Variants in DIP2B observed in about 807,000 individuals in gnomAD.
DIP2B encodes the protein DIP2 acetate--CoA ligase B (putative).
DIP2B carries 76 observed loss-of-function variants against 198.0 expected under a neutral mutation model. The ratio of observed to expected loss-of-function variants is 0.38; its 90% CI spans 0.32 to 0.46. The LOEUF (loss-of-function observed/expected upper bound fraction) is 0.46, where lower values mean the gene tolerates loss of function less well. DIP2B is among the 20% of genes least tolerant of loss of function. DIP2B has a pLI of 0.99. For missense variants in DIP2B, 1,559 were observed against 1,978.4 expected, an observed-to-expected ratio of 0.79 and a Z score of 4.02; for synonymous variants, 701 against 739.1, an observed-to-expected ratio of 0.95 and a Z score of 0.84.
intron 3 of DIP2B, among the ~76,000 whole-genome samples, chr12:50,656,732 C>G (rs1010800018): frequency 6.6e-5 from 10 of 152,100 alleles, no homozygotes; most frequent in African/African-American, 2.2e-4. Context: ...CCACCATGCT[C>G]AGCTAATTTT....
intron 35 of DIP2B, among the ~76,000 whole-genome samples, chr12:50,738,791 T>A (rs1173107846): frequency 6.6e-6 from 1 of 152,202 alleles, no homozygotes; most frequent in Non-Finnish European, 1.5e-5. Context: ...ATTTTAAAAA[T>A]TTTTAAATGT....
intron 3 of DIP2B, among the ~76,000 whole-genome samples, chr12:50,651,688 C>T (rs1285444406): frequency 2.0e-5 from 3 of 152,020 alleles, no homozygotes; most frequent in East Asian, 1.9e-4. Context: ...GTCTTCCTGT[C>T]GGTCTTTATG....
intron 1 of DIP2B, among the ~76,000 whole-genome samples, chr12:50,530,360 G>A (rs914226565): frequency 6.6e-6 from 1 of 152,342 alleles, no homozygotes; most frequent in East Asian, 1.9e-4. Context: ...GATTACAGGC[G>A]TGAGCCACTG....
At chr12:50,643,026 C>CTGTGTGTGTGTGTGTGTGTGAGTG (rs10651157) in intron 3 of DIP2B, among the ~76,000 whole-genome samples, 1 of 149,710 alleles carries the variant, frequency 6.7e-6, no homozygotes, top group Non-Finnish European at 1.5e-5. Context: ...CTGGGAGTTT[C>CTGTGTGTGTGTGTGTGTGTGAGTG]TGTGTGTGTG....
chr12:50,613,395 A>C (rs781656881), intron 1 of DIP2B, among the ~76,000 whole-genome samples: 2 of 152,236 alleles, frequency 1.3e-5, no homozygotes, highest in Non-Finnish European at 2.9e-5. Flanking sequence ...CCTGTGCAGA[A>C]AGAAATTTAG....
intron 3 of DIP2B, among the ~76,000 whole-genome samples, chr12:50,646,263 A>G (rs1217659871): frequency 6.6e-6 from 1 of 150,998 alleles, no homozygotes; most frequent in East Asian, 1.9e-4. Context: ...AGCTGGGATT[A>G]CAGGCACGTG....
intron 30 of DIP2B, 50 bp from the exon 31 acceptor site, chr12:50,731,319 A>G (rs1418702760): frequency 1.3e-6 from 2 of 1,587,500 alleles, no homozygotes; most frequent in South Asian, 2.3e-5. Context: ...CTGAAGCATC[A>G]GGTATCCAGG....
In DIP2B at chr12:50,504,992, C is replaced by CTT. The variant is rs2139331139; in HGVS notation, c.-147_-146dup. On this transcript the variant is annotated 5_prime_UTR_variant, in exon 1 of 38. Transcript: ENST00000301180. ...GCGGGGGCCGTCGCGCTCACGTGAC[C>CTT]TTTGCTCATGGCGGCGGCGGCGGCG... is the stretch of plus-strand genomic sequence containing the variant. The CTT allele has an allele frequency of 1.3e-6, 1 of 745,648 alleles. No homozygotes were observed. The highest frequency in any genetic ancestry group is 2.1e-6 in the Non-Finnish European group (1 of 466,716). The allele number at this position is 745,648 out of a possible 1,614,324, so 46.2% of individuals were successfully genotyped here.
At chr12:50,691,202 A>T (rs779032986) in intron 13 of DIP2B, 51 bp downstream of exon 13, 2 of 1,501,430 alleles carry the variant, frequency 1.3e-6, no homozygotes, top group South Asian at 2.3e-5. Flanking sequence ...GAGATGTGTG[A>T]CTGTGAGCAC....
intron 3 of DIP2B, among the ~76,000 whole-genome samples, chr12:50,647,274 T>C (rs1002148543): frequency 1.3e-5 from 2 of 151,390 alleles, no homozygotes; most frequent in African/African-American, 4.9e-5. Context: ...GGAGTTTTTC[T>C]CCCCCCCGCC....
At chr12:50,612,429 A>G (rs890497827) in intron 1 of DIP2B, among the ~76,000 whole-genome samples, 1 of 140,306 alleles carries the variant, frequency 7.1e-6, no homozygotes, top group Non-Finnish European at 1.5e-5. Flanking sequence ...TTTCATAATA[A>G]CTTTTTTTTT....
At chr12:50,531,147 G>A (rs909268097) in intron 1 of DIP2B, among the ~76,000 whole-genome samples, 2 of 152,316 alleles carry the variant, frequency 1.3e-5, no homozygotes, top group African/African-American at 2.4e-5. Context: ...CTGGGTTCAC[G>A]CCATTCTCCT....
intron 10 of DIP2B, among the ~76,000 whole-genome samples, chr12:50,684,147 A>G (rs1939092835): frequency 6.6e-6 from 1 of 152,176 alleles, no homozygotes; most frequent in African/African-American, 2.4e-5. Context: ...ATGGGGGCAT[A>G]CTTGACTTTC....
In DIP2B at chr12:50,747,261, A is replaced by T. The variant is rs1239608542; in HGVS notation, c.*2422A>T. 3 of 152,194 alleles carry T rather than the reference A, an allele frequency of 2.0e-5. No homozygotes were observed. The highest frequency in any genetic ancestry group is 7.2e-5 in the African/African-American group (3 of 41,436). 9.4% of individuals were successfully genotyped at this position (152,194 alleles called of 1,614,324 possible). ...AGTGCAGATCTATACTCATTCCTTC[A>T]AATACATTACTCTGTTAATCTCAAA... On this transcript the variant is annotated 3_prime_UTR_variant, in exon 38 of 38. Coordinates refer to ENST00000301180, the MANE Select transcript of DIP2B (RefSeq NM_173602.3).
chr12:50,723,164 G>A (rs375065243), intron 26 of DIP2B, 38 bp from the exon 27 acceptor site: 62 of 1,612,764 alleles, frequency 3.8e-5, no homozygotes, highest in Non-Finnish European at 2.1e-5. Flanking sequence ...CTCTTAGGCA[G>A]TTCAGTGACT....
chr12:50,532,908 A>T (rs1234484753), intron 1 of DIP2B, among the ~76,000 whole-genome samples: 5 of 152,208 alleles, frequency 3.3e-5, no homozygotes, highest in African/African-American at 7.2e-5. Flanking sequence ...GAATTAGAGT[A>T]ACTCTTTGTT....
chr12:50,535,730 G>T (rs1232168355), intron 1 of DIP2B, among the ~76,000 whole-genome samples: 1 of 151,126 alleles, frequency 6.6e-6, no homozygotes, highest in African/African-American at 2.4e-5. Context: ...TAAGTTTTAG[G>T]GTACATGTGC....
chr12:50,568,735 T>C (rs1202643266), intron 1 of DIP2B, among the ~76,000 whole-genome samples: 1 of 152,184 alleles, frequency 6.6e-6, no homozygotes, highest in Non-Finnish European at 1.5e-5. Flanking sequence ...TGTTGTAATC[T>C]GGGAAGGAGA....
intron 1 of DIP2B, among the ~76,000 whole-genome samples, chr12:50,563,276 G>T (rs559753936): frequency 6.6e-6 from 1 of 151,900 alleles, no homozygotes; most frequent in African/African-American, 2.4e-5. Context: ...AGTCTGCCCC[G>T]CCTGGGCTCA....
Sources: allele counts gnomAD v4.1 joint callset (sites outside exome capture counted in the v4.1 genomes callset), GRCh38; gene constraint gnomAD v4.1.1; transcripts MANE v1.5; gene names NCBI Gene and HGNC (gene_info 2026-07-23, HGNC 2026-07-21).